BCAS3: variants seen among roughly 807,000 people sequenced by gnomAD.
BCAS3 encodes the protein BCAS4/BCAS3 fusion.
A neutral mutation model predicts 116.1 loss-of-function variants in BCAS3; 53 were observed. The ratio of observed to expected loss-of-function variants is 0.46; its 90% CI spans 0.37 to 0.57. The LOEUF (loss-of-function observed/expected upper bound fraction) is 0.57, where lower values mean the gene tolerates loss of function less well. Among genes scored for constraint, BCAS3 ranks in the 20% least tolerant of loss-of-function variants. The pLI, the probability that BCAS3 is intolerant of heterozygous loss-of-function variation, is 0.00. For missense variants in BCAS3, 917 were observed against 1,165.4 expected, an observed-to-expected ratio of 0.79 and a Z score of 3.10; for synonymous variants, 391 against 408.2, an observed-to-expected ratio of 0.96 and a Z score of 0.51.
chr17:60,752,421 C>G (rs1017731573), intron 6 of BCAS3, among the ~76,000 whole-genome samples: 17 of 59,600 alleles, frequency 2.9e-4, no homozygotes, highest in Non-Finnish European at 9.5e-4. Flanking sequence ...ATGTGTATTT[C>G]ATTTTTTTTT....
rs979974025 is a variant in BCAS3 at position 61,004,250 on chromosome 17, A to C, written c.1487-11501A>C. On this transcript the variant is annotated intron_variant, in intron 15 of 23. Transcript: ENST00000407086. This position sits in a 1 kb window ranked among gnomAD's most constrained non-coding sequence, Gnocchi z 4.8. ...GATGGAATTTTTAGTTGCTGAAGTG[A>C]ATGAATGTAAAAACTACTTATTCAG... 7.9e-5 allele frequency among the ~76,000 whole-genome samples: 12 copies of C among 152,186 alleles called. No individual in the cohort carries two copies. Among genetic ancestry groups the C allele is most frequent in the Non-Finnish European group, 1.6e-4 (11 of 68,024 alleles).
rs1343995428 is a variant in BCAS3 at position 61,199,629 on chromosome 17, A to T, written c.2425+115065A>T. ...TATTCAAGAAATACTTGCAAGGTGGACAATGTTAACTTTGAACAGTGAACA... is the reference window on the plus strand; with the variant it reads ...TATTCAAGAAATACTTGCAAGGTGGTCAATGTTAACTTTGAACAGTGAACA... On this transcript the variant is annotated intron_variant, in intron 22 of 23. Coordinates refer to ENST00000407086, the MANE Select transcript of BCAS3 (RefSeq NM_017679.5). This position sits in a 1 kb window ranked among gnomAD's most constrained non-coding sequence, Gnocchi z 4.6. 1.3e-5 allele frequency among the ~76,000 whole-genome samples: 2 copies of T among 152,238 alleles called. No individual in the cohort carries two copies. Among genetic ancestry groups the T allele is most frequent in the Non-Finnish European group, 2.9e-5 (2 of 68,044 alleles).
intron 5 of BCAS3, among the ~76,000 whole-genome samples, chr17:60,739,179 G>A (rs1273310502): frequency 6.6e-6 from 1 of 151,938 alleles, no homozygotes; most frequent in Non-Finnish European, 1.5e-5. Context: ...CTTGTTTCTT[G>A]TATCATTGCT....
rs757066679 is a variant in BCAS3, at chr17:60,690,346, G to T, written c.214+585G>T. On this transcript the variant is annotated intron_variant, in intron 4 of 23. Transcript: ENST00000407086. Reference sequence around the variant, plus strand: ...GCACTTTGGGAGGTTGAGGCAGGAGGATCGCTTGATCTTAGGAGTTCAAGA... The same window carrying T: ...GCACTTTGGGAGGTTGAGGCAGGAGTATCGCTTGATCTTAGGAGTTCAAGA... Among the ~76,000 whole-genome samples the T allele has an allele frequency of 2.5e-4, 38 of 152,188 alleles. No individual in the cohort carries two copies. In the Middle Eastern group the frequency reaches 0.031, roughly 123 times the overall value.
At chr17:60,988,351 T>C (rs2063309324) in intron 14 of BCAS3, among the ~76,000 whole-genome samples, 1 of 144,718 alleles carries the variant, frequency 6.9e-6, no homozygotes, top group Non-Finnish European at 1.5e-5. Context: ...TTTTTTTTTT[T>C]TTTTTTTTTA....
chr17:60,795,893 T>C (rs2047172270), intron 6 of BCAS3, among the ~76,000 whole-genome samples: 1 of 152,174 alleles, frequency 6.6e-6, no homozygotes, highest in East Asian at 1.9e-4. Context: ...TTTCACCATG[T>C]TGGCCAGGCT....
In BCAS3 at chr17:60,926,948, C is replaced by G. The variant is rs951016873; in HGVS notation, c.1087+2448C>G. ...CCTATTTTTCTGTGTTGCTGGGACACTAGGTTTATAACTATGATGTAATTT... is the reference window on the plus strand; with the variant it reads ...CCTATTTTTCTGTGTTGCTGGGACAGTAGGTTTATAACTATGATGTAATTT... On this transcript the variant is annotated intron_variant, in intron 13 of 23. Coordinates refer to ENST00000407086, the MANE Select transcript of BCAS3 (RefSeq NM_017679.5). Among the ~76,000 whole-genome samples, 15 of 152,138 alleles carry G rather than the reference C, an allele frequency of 9.9e-5. No homozygotes were observed. The East Asian group carries it at 2.9e-3, about 29-fold the overall frequency.
intron 13 of BCAS3, among the ~76,000 whole-genome samples, chr17:60,930,717 C>G (rs2059601479): frequency 6.6e-6 from 1 of 152,168 alleles, no homozygotes; most frequent in Non-Finnish European, 1.5e-5. Flanking sequence ...CTCAGCCTCC[C>G]AAAGTGTTGG....
Position 61,339,681 on chromosome 17 carries a change from G to A in BCAS3, c.2426-28646G>A, listed in dbSNP as rs1220998183. Among the ~76,000 whole-genome samples the A allele has an allele frequency of 2.0e-5, 3 of 151,776 alleles. No individual in the cohort carries two copies. The highest frequency in any genetic ancestry group is 2.4e-5 in the African/African-American group (1 of 41,302). ...CTCGGGAGGCTGAGGCAGGAGAATC[G>A]CTCGAACCTAGGAGGTGGCGGTTAC... is the stretch of plus-strand genomic sequence containing the variant. On this transcript the variant is annotated intron_variant, in intron 22 of 23. Coordinates refer to ENST00000407086, the MANE Select transcript of BCAS3 (RefSeq NM_017679.5). This position sits in a 1 kb window ranked among gnomAD's most constrained non-coding sequence, Gnocchi z 4.4.
At position 60,684,037 on chromosome 17, in the gene BCAS3, G is replaced by T. The variant is rs1413508544; in HGVS notation, c.138+1G>T. ...TTTTCTGCAGGATGTTGTGCCACAG[G>T]TAAGTGTCTATATGTGCTTTCGCCT... On this transcript the variant is annotated splice_donor_variant, in intron 3 of 23. Transcript: ENST00000407086. LOFTEE classifies it high-confidence loss of function. 1 of 1,613,478 alleles carries T rather than the reference G, an allele frequency of 6.2e-7. No individual in the cohort carries two copies. The highest frequency in any genetic ancestry group is 8.5e-7 in the Non-Finnish European group (1 of 1,179,634).
chr17:60,937,702 C>G (rs1421671788), intron 13 of BCAS3, among the ~76,000 whole-genome samples: 2 of 152,186 alleles, frequency 1.3e-5, no homozygotes, highest in African/African-American at 4.8e-5. Flanking sequence ...ATGAAATCCT[C>G]TTCTTTATCT....
At chr17:61,385,648 G>A (rs953431968) in intron 23 of BCAS3, among the ~76,000 whole-genome samples, 3 of 152,328 alleles carry the variant, frequency 2.0e-5, no homozygotes, top group Admixed American at 6.5e-5. Context: ...CGGGCAGCTC[G>A]GCTGGCTGCT....
rs185618476 is a variant in BCAS3, at chr17:61,339,902, C to T, written c.2426-28425C>T. 2.2e-3 allele frequency among the ~76,000 whole-genome samples: 339 copies of T among 152,150 alleles called. 1 individual carries two copies. Among genetic ancestry groups the T allele is most frequent in the Non-Finnish European group, 3.5e-3 (240 of 68,018 alleles). On this transcript the variant is annotated intron_variant, in intron 22 of 23. Coordinates refer to ENST00000407086, the MANE Select transcript of BCAS3 (RefSeq NM_017679.5). This position sits in a 1 kb window ranked among gnomAD's most constrained non-coding sequence, Gnocchi z 4.4. Reference sequence around the variant, plus strand: ...CAAGTAGAGAGAGGGTCAACTATGTCGAAAGCACACTTGACCTGCTGAAAG... The same window carrying T: ...CAAGTAGAGAGAGGGTCAACTATGTTGAAAGCACACTTGACCTGCTGAAAG...
Position 61,240,424 on chromosome 17 carries a change from G to A in BCAS3, c.2426-127903G>A, listed in dbSNP as rs184011753. On this transcript the variant is annotated intron_variant, in intron 22 of 23. Transcript: ENST00000407086. Reference sequence around the variant, plus strand: ...CCAGCACTTTGGGAGGCTAAGGCGGGTGGATCACTTGAGGCCAGGAGTTTG... The same window carrying A: ...CCAGCACTTTGGGAGGCTAAGGCGGATGGATCACTTGAGGCCAGGAGTTTG... 2.4e-3 allele frequency among the ~76,000 whole-genome samples: 365 copies of A among 152,294 alleles called. 2 individuals are homozygous for A. Among genetic ancestry groups the A allele is most frequent in the African/African-American group, 8.1e-3 (338 of 41,552 alleles).
chr17:60,943,110 T>C (rs561535602), intron 13 of BCAS3, among the ~76,000 whole-genome samples: 4 of 152,170 alleles, frequency 2.6e-5, no homozygotes, highest in South Asian at 2.1e-4. Context: ...CTGAATAAAA[T>C]GTTGAAATTA....
At chr17:60,980,806 G>T (rs1179453301) in intron 14 of BCAS3, among the ~76,000 whole-genome samples, 1 of 151,978 alleles carries the variant, frequency 6.6e-6, no homozygotes, top group African/African-American at 2.4e-5. Context: ...AAAGTGTTGG[G>T]ATTATAGACA....
chr17:61,344,715 T>C lies in BCAS3; in HGVS notation c.2426-23612T>C, dbSNP rs1449587994. On this transcript the variant is annotated intron_variant, in intron 22 of 23. Transcript: ENST00000407086. The surrounding 1 kb of genome is among the most constrained non-coding windows in gnomAD (Gnocchi z 4.1). Reference sequence around the variant, plus strand: ...AGGCGAAGATGTAAAGGCCCTGGGGTGAAAGGAAGGAGGTTGTTGGAGGGA... The same window carrying C: ...AGGCGAAGATGTAAAGGCCCTGGGGCGAAAGGAAGGAGGTTGTTGGAGGGA... 6.6e-6 allele frequency among the ~76,000 whole-genome samples: 1 copy of C among 150,958 alleles called. No homozygotes were observed. Among genetic ancestry groups the C allele is most frequent in the African/African-American group, 2.4e-5 (1 of 40,930 alleles).
At chr17:61,011,338 T>C (rs1367816001) in intron 15 of BCAS3, among the ~76,000 whole-genome samples, 2 of 152,056 alleles carry the variant, frequency 1.3e-5, no homozygotes, top group Non-Finnish European at 2.9e-5. Context: ...AACTTCCTTA[T>C]ACGAAGAGGC....
chr17:61,198,964 A>C lies in BCAS3; in HGVS notation c.2425+114400A>C, dbSNP rs1445408815. ...TGATGAATGCCTTTAATATATGTTT[A>C]CAAGCTCCAAAACTTTTAATATATC... On this transcript the variant is annotated intron_variant, in intron 22 of 23. Transcript: ENST00000407086. This position sits in a 1 kb window ranked among gnomAD's most constrained non-coding sequence, Gnocchi z 5.0. Among the ~76,000 whole-genome samples the C allele has an allele frequency of 6.6e-6, 1 of 152,224 alleles. No individual in the cohort carries two copies. The highest frequency in any genetic ancestry group is 1.5e-5 in the Non-Finnish European group (1 of 68,042).
Sources: gnomAD v4.1 joint callset for allele counts (sites outside exome capture counted in the v4.1 genomes callset) on GRCh38, gnomAD v4.1.1 for gene constraint, Gnocchi (gnomAD v3.1) non-coding constraint, MANE v1.5 for transcripts, NCBI Gene and HGNC (gene_info 2026-07-23, HGNC 2026-07-21) for gene names.